Variants in FRMPD2 observed in about 807,000 individuals in gnomAD.
FRMPD2 encodes the protein FERM and PDZ domain-containing protein 2.
FRMPD2 carries 96 observed loss-of-function variants against 140.1 expected under a neutral mutation model. The observed-to-expected ratio is 0.69, with a 90% CI of 0.58 to 0.81. FRMPD2 has a LOEUF of 0.81. FRMPD2 is among the 40% of genes least tolerant of loss of function. The pLI, the probability that FRMPD2 is intolerant of heterozygous loss-of-function variation, is 0.00. For missense variants in FRMPD2, 1,240 were observed against 1,447.4 expected, an observed-to-expected ratio of 0.86 and a Z score of 2.32; for synonymous variants, 449 against 547.6, an observed-to-expected ratio of 0.82 and a Z score of 2.52.
intron 1 of FRMPD2, among the ~76,000 whole-genome samples, chr10:48,252,483 C>T (rs1196571916): frequency 6.6e-6 from 1 of 152,110 alleles, no homozygotes; most frequent in Admixed American, 6.5e-5. Context: ...AGAGCTCAAG[C>T]AGGGCGGGTG....
chr10:48,210,483 T>C (rs761336751), intron 13 of FRMPD2, among the ~76,000 whole-genome samples: 3 of 152,222 alleles, frequency 2.0e-5, no homozygotes, highest in Non-Finnish European at 2.9e-5. Context: ...AGTCAGGGTC[T>C]GGGCAGAGGC....
upstream of FRMPD2, chr10:48,274,704 A>G: frequency 2.6e-6 from 2 of 762,736 alleles, no homozygotes; most frequent in South Asian, 1.6e-5. Context: ...ACTGCTTGTC[A>G]CTAAGCACTT....
intron 23 of FRMPD2, among the ~76,000 whole-genome samples, chr10:48,175,470 G>T (rs1161594807): frequency 1.3e-5 from 2 of 151,858 alleles, no homozygotes; most frequent in African/African-American, 4.8e-5. Flanking sequence ...TGGGAGCTGA[G>T]CAAGGGCAAA....
intron 9 of FRMPD2, 105 bp from the exon 10 acceptor site, chr10:48,232,394 T>C (rs1276683923): frequency 8.0e-6 from 6 of 754,160 alleles, no homozygotes; most frequent in African/African-American, 1.8e-5. Flanking sequence ...TCTCATTTAA[T>C]TGACAACTCT....
chr10:48,214,254 C>T (rs1839394242), intron 12 of FRMPD2, among the ~76,000 whole-genome samples: 1 of 152,166 alleles, frequency 6.6e-6, no homozygotes, highest in South Asian at 2.1e-4. Context: ...TGAGTATACC[C>T]CAAACTGCAA....
Position 48,185,559 on chromosome 10 carries a change from C to A in FRMPD2, c.2353G>T (p.Gly785Cys). Residue 785 changes from glycine to cysteine, a missense_variant, in exon 18 of 29, where the codon GGT becomes TGT. Transcript: ENST00000374201. ...RVTLKRDPHR[G>C]FGFVINEGEY... ...CTACAGGGAGCCCTCTTACCAAAAC[C>A]ACGATGTGGGTCACGTTTCAGTGTC... 3 of 1,613,728 alleles carry A rather than the reference C, an allele frequency of 1.9e-6. No homozygotes were observed. The highest frequency in any genetic ancestry group is 2.5e-6 in the Non-Finnish European group (3 of 1,179,660).
At chr10:48,236,970 T>C (rs1839981267) in intron 8 of FRMPD2, among the ~76,000 whole-genome samples, 1 of 152,168 alleles carries the variant, frequency 6.6e-6, no homozygotes, top group Non-Finnish European at 1.5e-5. Context: ...GTTGAATCAA[T>C]AGCTTAGTGG....
At chr10:48,183,958 A>G (rs1372389128) in intron 20 of FRMPD2, among the ~76,000 whole-genome samples, 1 of 152,076 alleles carries the variant, frequency 6.6e-6, no homozygotes, top group African/African-American at 2.4e-5. Context: ...ACCAGAGCCT[A>G]CTTGAGGGAG....
rs1012419128 is a variant in FRMPD2, at chr10:48,251,665, C to T, written c.52G>A (p.Ala18Thr). 6.2e-7 allele frequency: 1 copy of T among 1,614,206 alleles called. No individual in the cohort carries two copies. ...AGMSLSSVTLASALQVRGEAL... is the reference protein window; with the variant it reads ...AGMSLSSVTLTSALQVRGEAL... ...TCACCCCTGACCTGTAGGGCGCTGG[C>T]CAGCGTCACAGAGGACAGGCTCATG... The change falls in exon 2 of 29, where the codon GCC becomes ACC. Residue 18 changes from alanine to threonine, a missense_variant. Ala to Thr is a moderately conservative substitution (Grantham distance 58, BLOSUM62 0). This residue lies in a region of FRMPD2 where 1,161 missense variants were observed against 1,055.9 expected (regional missense o/e 1.10). Transcript: ENST00000374201.
chr10:48,171,669 T>C (rs1363929391), intron 25 of FRMPD2, among the ~76,000 whole-genome samples: 52 of 152,336 alleles, frequency 3.4e-4, no homozygotes, highest in African/African-American at 1.2e-3. Context: ...TCCATTTAGA[T>C]TGGTCACATT....
chr10:48,180,689 C>T (rs1838522951), intron 21 of FRMPD2, 114 bp downstream of exon 21: 1 of 783,650 alleles, frequency 1.3e-6, no homozygotes, highest in Non-Finnish European at 2.3e-6. Context: ...TAAGTAACTT[C>T]CATCCACCTG....
intron 15 of FRMPD2, chr10:48,199,724 G>A (rs928052070): frequency 5.3e-5 from 8 of 152,166 alleles, no homozygotes; most frequent in African/African-American, 7.2e-5. Flanking sequence ...TACAGCAGAC[G>A]GCTGCAGCCG....
rs535969533 is a variant in FRMPD2, at chr10:48,199,129, C to G, written c.1954+2099G>C. On this transcript the variant is annotated intron_variant, in intron 15 of 28. Transcript: ENST00000374201. ...TGAGATGGGTTAGAAAACTACCTAT[C>G]AGGTACTATGCTCACTACCAGTGTG... is the stretch of plus-strand genomic sequence containing the variant. Among the ~76,000 whole-genome samples, 3 of 152,272 alleles carry G rather than the reference C, an allele frequency of 2.0e-5. No individual in the cohort carries two copies. The East Asian group carries it at 5.8e-4, about 29-fold the overall frequency.
chr10:48,173,560 T>C (rs1366297252), intron 24 of FRMPD2, among the ~76,000 whole-genome samples: 4 of 152,090 alleles, frequency 2.6e-5, no homozygotes, highest in South Asian at 4.2e-4. Flanking sequence ...TGGCAAGCTC[T>C]GGTTACCTTG....
Position 48,174,933 on chromosome 10 carries a change from A to C in FRMPD2, c.3012T>G (p.Asp1004Glu), listed in dbSNP as rs1228357406. Reference protein sequence around the residue: ...ILQGDRLLQVDGVILCGLTHK... With the variant: ...ILQGDRLLQVEGVILCGLTHK... ...GGGTGAGGCCGCACAGAATCACTCC[A>C]TCCACCTGCAGGAGTCGGTCACCTG... Residue 1004 changes from aspartate to glutamate, a missense_variant, in exon 24 of 29, where the codon GAT (aspartate) becomes GAG (glutamate). This residue lies in a region of FRMPD2 where 22 missense variants were observed against 35.3 expected (regional missense o/e 0.62). Transcript: ENST00000374201. 2 of 697,308 alleles carry C rather than the reference A, an allele frequency of 2.9e-6. No homozygotes were observed. Among genetic ancestry groups the C allele is most frequent in the Admixed American group, 4.5e-5 (2 of 44,116 alleles). The allele number at this position is 697,308 out of a possible 1,614,324, so 43.2% of individuals were successfully genotyped here. A position where few individuals can be genotyped will look rare whatever the true frequency, so the allele number is the denominator to read the frequency against.
At chr10:48,219,711 C>A (rs1221490157) in intron 12 of FRMPD2, among the ~76,000 whole-genome samples, 1 of 152,144 alleles carries the variant, frequency 6.6e-6, no homozygotes, top group Non-Finnish European at 1.5e-5. Context: ...ATAATCCTTC[C>A]CTATTAATAG....
At chr10:48,264,410 A>G (rs1840647285) in intron 1 of FRMPD2, among the ~76,000 whole-genome samples, 1 of 152,162 alleles carries the variant, frequency 6.6e-6, no homozygotes, top group African/African-American at 2.4e-5. Context: ...CCTAAAACTA[A>G]TAAGTGATTA....
rs1838027129 is a variant in FRMPD2 at position 48,164,057 on chromosome 10, C to A, written c.3538-386G>T. On this transcript the variant is annotated intron_variant, in intron 27 of 28. Coordinates refer to ENST00000374201, the MANE Select transcript of FRMPD2 (RefSeq NM_001018071.4). Reference sequence around the variant, plus strand: ...CAGGGCTTGTCTCCCTGTCTCCACCCCCATCAAGGTGATGTTCTTTCCTGG... The same window carrying A: ...CAGGGCTTGTCTCCCTGTCTCCACCACCATCAAGGTGATGTTCTTTCCTGG... Among the ~76,000 whole-genome samples the A allele has an allele frequency of 4.6e-5, 7 of 150,918 alleles. No individual in the cohort carries two copies. The South Asian group carries it at 1.3e-3, about 27-fold the overall frequency.
intron 13 of FRMPD2, among the ~76,000 whole-genome samples, chr10:48,210,269 A>G (rs1839290649): frequency 6.6e-6 from 1 of 152,248 alleles, no homozygotes; most frequent in South Asian, 2.1e-4. Flanking sequence ...CCAGTTTACC[A>G]AGGGAAACTG....
Sources: gnomAD v4.1 joint callset for allele counts (sites outside exome capture counted in the v4.1 genomes callset) on GRCh38, gnomAD v4.1.1 for gene constraint, gnomAD v4.1.1 regional missense constraint, MANE v1.5 for transcripts, NCBI Gene and HGNC (gene_info 2026-07-23, HGNC 2026-07-21) for gene names.